The following ARSG variants were observed in gnomAD, a reference collection of about 807,000 sequenced individuals.
The protein encoded by ARSG is ASG.
In ARSG, 37 loss-of-function variants were observed where a neutral mutation model predicts 50.5. That is an observed-to-expected ratio of 0.73 (90% CI 0.56 to 0.96). The LOEUF (loss-of-function observed/expected upper bound fraction) is 0.96, where lower values mean the gene tolerates loss of function less well. Ranked by LOEUF, ARSG falls within the 50% of genes least tolerant of loss-of-function variation. The pLI is 0.00. For synonymous variants in ARSG, 225 were observed against 254.6 expected, an observed-to-expected ratio of 0.88 and a Z score of 1.11; for missense variants, 629 against 675.3, an observed-to-expected ratio of 0.93 and a Z score of 0.76.
chr17:68,282,644 A>G (rs952038976), intron 1 of ARSG, among the ~76,000 whole-genome samples: 1 of 151,774 alleles, frequency 6.6e-6, no homozygotes, highest in Non-Finnish European at 1.5e-5. Flanking sequence ...ACAAAAAAGT[A>G]TAAGAAGAAA....
At chr17:68,375,974 T>A (rs1350347506) in intron 8 of ARSG, among the ~76,000 whole-genome samples, 1 of 152,176 alleles carries the variant, frequency 6.6e-6, no homozygotes, top group African/African-American at 2.4e-5. Context: ...GAAATTTACA[T>A]CACATAAAAT....
intron 2 of ARSG, among the ~76,000 whole-genome samples, chr17:68,331,951 A>G (rs2077792780): frequency 6.6e-6 from 1 of 152,162 alleles, no homozygotes; most frequent in Non-Finnish European, 1.5e-5. Context: ...AGATCACAGG[A>G]CCGAGGCAAA....
intron 11 of ARSG, among the ~76,000 whole-genome samples, chr17:68,406,819 G>A (rs2081745119): frequency 6.6e-6 from 1 of 152,018 alleles, no homozygotes; most frequent in Non-Finnish European, 1.5e-5. Context: ...CCCACTGTGT[G>A]GGCTGTTTAC....
At chr17:68,292,738 C>A (rs1726288188) in intron 1 of ARSG, among the ~76,000 whole-genome samples, 1 of 152,104 alleles carries the variant, frequency 6.6e-6, no homozygotes, top group Non-Finnish European at 1.5e-5. Context: ...GGGATAGGCT[C>A]TCCTGAGTTA....
chr17:68,268,998 G>A, intron 1 of ARSG: 1 of 1,545,386 alleles, frequency 6.5e-7, no homozygotes, highest in Non-Finnish European at 8.7e-7. Flanking sequence ...TTTTGAAAGT[G>A]GAGTAGAGGG....
chr17:68,446,000 C>A, the ARSG span, among the ~76,000 whole-genome samples: 1 of 152,140 alleles, frequency 6.6e-6, no homozygotes, highest in African/African-American at 2.4e-5. Context: ...TCTCAGCCAG[C>A]TCCTTTTATT....
chr17:68,341,871 G>T (rs1768200434), intron 2 of ARSG, among the ~76,000 whole-genome samples: 1 of 152,036 alleles, frequency 6.6e-6, no homozygotes, highest in Non-Finnish European at 1.5e-5. Context: ...CCAGACTGGA[G>T]TGCAGTGACG....
chr17:68,396,231 G>A (rs2081243485), intron 10 of ARSG, among the ~76,000 whole-genome samples: 1 of 152,142 alleles, frequency 6.6e-6, no homozygotes, highest in African/African-American at 2.4e-5. Flanking sequence ...TGACCAGGCT[G>A]GTCTTGAACT....
intron 2 of ARSG, among the ~76,000 whole-genome samples, chr17:68,336,774 A>G (rs1414449250): frequency 6.6e-6 from 1 of 152,036 alleles, no homozygotes; most frequent in Non-Finnish European, 1.5e-5. Flanking sequence ...AATCACTTGA[A>G]CCCAGGAGGT....
At chr17:68,426,248 G>T, downstream of ARSG, 2 of 832,022 alleles carry the variant, frequency 2.4e-6, no homozygotes, top group Non-Finnish European at 3.7e-6. Flanking sequence ...CGGGTGGGGA[G>T]CGGGGGCTCA....
chr17:68,397,768 A>T (rs114147776), intron 10 of ARSG, among the ~76,000 whole-genome samples: 7,280 of 151,884 alleles, frequency 0.048, 460 homozygotes, highest in African/African-American at 0.15. Context: ...AATTTAATTT[A>T]ATTTTATTTT....
At chr17:68,417,679 C>T (rs1010176110) in intron 11 of ARSG, among the ~76,000 whole-genome samples, 2 of 144,316 alleles carry the variant, frequency 1.4e-5, no homozygotes, top group Admixed American at 7.2e-5. Context: ...ATTTTGGGGG[C>T]AGTAGTTTGC....
the ARSG span, among the ~76,000 whole-genome samples, chr17:68,429,808 C>T: frequency 6.6e-6 from 1 of 152,150 alleles, no homozygotes; most frequent in Non-Finnish European, 1.5e-5. Context: ...AGGCTGGTCT[C>T]AAACTCCTGA....
At position 68,307,023 on chromosome 17, in the gene ARSG, G is replaced by A. The variant is rs782749550; in HGVS notation, c.-471G>A. 1.3e-5 allele frequency: 2 copies of A among 153,372 alleles called. No individual in the cohort carries two copies. Among genetic ancestry groups the A allele is most frequent in the African/African-American group, 4.8e-5 (2 of 41,432 alleles). 9.5% of individuals were successfully genotyped at this position (153,372 alleles called of 1,614,324 possible). On this transcript the variant is annotated 5_prime_UTR_variant, in exon 2 of 12. It adds an upstream start codon to the 5' untranslated region. Coordinates refer to ENST00000621439, the MANE Select transcript of ARSG (RefSeq NM_001267727.2). ...TGACGGCGGCTTCTAGAACATCCAG[G>A]TGTTCTGCAGATGCGAGAACTCATC...
rs781847076 is a variant in ARSG at position 68,271,548 on chromosome 17, A to G, written c.-552+12122A>G. The G allele has an allele frequency of 7.4e-6, 12 of 1,614,114 alleles. No individual in the cohort carries two copies. The highest frequency in any genetic ancestry group is 6.7e-5 in the African/African-American group (5 of 74,940). On this transcript the variant is annotated intron_variant, in intron 1 of 11. Coordinates refer to the ARSG transcript ENST00000448504. This position sits in a 1 kb window ranked among gnomAD's most constrained non-coding sequence, Gnocchi z 5.3. ...TTTTCGGTGACGCTGGTCCTCTGAT[A>G]AAGATGGGTCTGAGCAGTGCTCCGA...
At chr17:68,275,373 A>G (rs2145015761) in intron 1 of ARSG, among the ~76,000 whole-genome samples, 1 of 152,314 alleles carries the variant, frequency 6.6e-6, no homozygotes, top group South Asian at 2.1e-4. Flanking sequence ...GTCTATATGT[A>G]TCTACTATGT....
At chr17:68,392,210 C>G (rs186294217) in intron 9 of ARSG, among the ~76,000 whole-genome samples, 4 of 152,348 alleles carry the variant, frequency 2.6e-5, no homozygotes, top group African/African-American at 9.6e-5. Flanking sequence ...CAGTAAGCCC[C>G]GCTGACTTCC....
intron 9 of ARSG, among the ~76,000 whole-genome samples, chr17:68,389,188 G>A (rs1349927893): frequency 6.6e-6 from 1 of 152,160 alleles, no homozygotes; most frequent in Non-Finnish European, 1.5e-5. Flanking sequence ...CTCCTCCCTG[G>A]ATCTGGCAGT....
the ARSG span, among the ~76,000 whole-genome samples, chr17:68,446,802 G>C: frequency 8.5e-5 from 13 of 152,166 alleles, no homozygotes; most frequent in African/African-American, 3.1e-4. Flanking sequence ...GATCTGATCT[G>C]CATTTTTTTC....
Sources: allele counts gnomAD v4.1 joint callset (sites outside exome capture counted in the v4.1 genomes callset), GRCh38; gene constraint gnomAD v4.1.1; non-coding constraint Gnocchi (gnomAD v3.1); transcripts MANE v1.5; gene names NCBI Gene and HGNC (gene_info 2026-07-23, HGNC 2026-07-21).